The following SUGCT variants were observed in gnomAD, a reference collection of about 807,000 sequenced individuals.
The protein encoded by SUGCT is succinyl-CoA:glutarate-CoA transferase, also known as succinyl-CoA:glutarate CoA-transferase.
A neutral mutation model predicts 55.0 loss-of-function variants in SUGCT; 41 were observed. The observed-to-expected ratio is 0.74, with a 90% CI of 0.58 to 0.97. The LOEUF (loss-of-function observed/expected upper bound fraction) is 0.97, where lower values mean the gene tolerates loss of function less well. SUGCT is among the 50% of genes least tolerant of loss of function. SUGCT has a pLI of 0.00. For missense variants in SUGCT, 568 were observed against 547.8 expected (o/e 1.04, Z -0.37); for synonymous variants, 187 against 200.4 (o/e 0.93, Z 0.56).
At chr7:40,892,225 A>G in the SUGCT span, among the ~76,000 whole-genome samples, 5 of 152,170 alleles carry the variant, frequency 3.3e-5, no homozygotes, top group Admixed American at 6.5e-5. Flanking sequence ...TGGAGGGAGG[A>G]GAAGTTAAAG....
intron 12 of SUGCT, among the ~76,000 whole-genome samples, chr7:40,612,303 G>C (rs907845143): frequency 6.6e-6 from 1 of 152,154 alleles, no homozygotes; most frequent in African/African-American, 2.4e-5. Context: ...GCCCTGGAAT[G>C]CTGATCATTA....
chr7:40,599,540 A>G (rs1224600594), intron 12 of SUGCT, among the ~76,000 whole-genome samples: 1 of 152,028 alleles, frequency 6.6e-6, no homozygotes, highest in Non-Finnish European at 1.5e-5. Context: ...AATATAAGTC[A>G]CCTTATTGAT....
At chr7:40,544,044 A>C (rs1215864674) in intron 12 of SUGCT, among the ~76,000 whole-genome samples, 2 of 152,132 alleles carry the variant, frequency 1.3e-5, no homozygotes, top group Non-Finnish European at 2.9e-5. Flanking sequence ...TGTAATATTA[A>C]AAATTAGAGA....
chr7:40,581,819 G>C (rs1404019897), intron 12 of SUGCT, among the ~76,000 whole-genome samples: 1 of 152,106 alleles, frequency 6.6e-6, no homozygotes, highest in African/African-American at 2.4e-5. Context: ...AAGTCCACCT[G>C]GAAAGTGACC....
intron 6 of SUGCT, among the ~76,000 whole-genome samples, chr7:40,202,629 G>A (rs906255545): frequency 2.6e-4 from 39 of 152,130 alleles, no homozygotes; most frequent in African/African-American, 8.2e-4. Context: ...GACTTGACTG[G>A]TGTAGTTGTA....
At chr7:40,987,727 A>G in the SUGCT span, among the ~76,000 whole-genome samples, 1 of 152,182 alleles carries the variant, frequency 6.6e-6, no homozygotes. Context: ...GAGTATTTGC[A>G]TATTCCTTTC....
At chr7:40,676,894 C>CGTGTGTGTGTGTGTGTGT (rs3221667) in intron 12 of SUGCT, among the ~76,000 whole-genome samples, 11 of 143,972 alleles carry the variant, frequency 7.6e-5, no homozygotes, top group African/African-American at 2.6e-4. Context: ...TTCAGAATGA[C>CGTGTGTGTGTGTGTGTGT]GTGTGTGTGT....
At chr7:40,538,969 C>T (rs193182549) in intron 12 of SUGCT, 1 of 151,972 alleles carries the variant, frequency 6.6e-6, no homozygotes, top group East Asian at 1.9e-4. Context: ...GTCTCAGCTA[C>T]TTGGGAGGCT....
the SUGCT span, among the ~76,000 whole-genome samples, chr7:41,014,043 T>C: frequency 6.6e-6 from 1 of 152,142 alleles, no homozygotes; most frequent in East Asian, 1.9e-4. Context: ...GAAGGAGGCT[T>C]TGGCTGGAGA....
intron 12 of SUGCT, among the ~76,000 whole-genome samples, chr7:40,616,189 T>TA (rs1798993229): frequency 6.6e-6 from 1 of 152,190 alleles, no homozygotes; most frequent in Non-Finnish European, 1.5e-5. Context: ...CTAGGTATGT[T>TA]AAAGTAGTTT....
chr7:40,421,138 A>G (rs1787284238), intron 9 of SUGCT, among the ~76,000 whole-genome samples: 1 of 152,130 alleles, frequency 6.6e-6, no homozygotes, highest in Non-Finnish European at 1.5e-5. Flanking sequence ...CTACCTTGTC[A>G]GGCCTAGTGA....
At chr7:41,035,789 T>C in the SUGCT span, among the ~76,000 whole-genome samples, 34,965 of 152,182 alleles carry the variant, frequency 0.23, 4,414 homozygotes, top group Non-Finnish European at 0.3. Flanking sequence ...GAGCTCACTC[T>C]GGCCACGCAG....
chr7:40,664,067 G>C (rs1472772635), intron 12 of SUGCT, among the ~76,000 whole-genome samples: 1 of 152,156 alleles, frequency 6.6e-6, no homozygotes. Flanking sequence ...TACAAGCCAA[G>C]TAGAGAGGCC....
chr7:40,873,162 A>G, the SUGCT span, among the ~76,000 whole-genome samples: 1 of 152,256 alleles, frequency 6.6e-6, no homozygotes, highest in Non-Finnish European at 1.5e-5. Context: ...ATATTAATCA[A>G]CATTTGCAAT....
At chr7:40,377,183 TTTC>T (rs773258674) in intron 9 of SUGCT, among the ~76,000 whole-genome samples, 507 of 16,226 alleles carry the variant, frequency 0.031, 116 homozygotes, top group East Asian at 0.21. Context: ...TCTTTCTTTC[TTTC>T]TTTCTTTCTT....
chr7:40,443,412 A>G (rs1788627880), intron 9 of SUGCT, among the ~76,000 whole-genome samples: 1 of 152,166 alleles, frequency 6.6e-6, no homozygotes, highest in African/African-American at 2.4e-5. Context: ...AATGATCACC[A>G]TTCTAACTGG....
chr7:40,536,209 AT>A (rs2151606168), intron 12 of SUGCT, among the ~76,000 whole-genome samples: 1 of 152,286 alleles, frequency 6.6e-6, no homozygotes, highest in East Asian at 1.9e-4. Flanking sequence ...TTTTGTTGGA[AT>A]TGCTTTTGAG....
chr7:40,499,667 G>A (rs1792173613), intron 12 of SUGCT, among the ~76,000 whole-genome samples: 1 of 152,082 alleles, frequency 6.6e-6, no homozygotes, highest in African/African-American at 2.4e-5. Flanking sequence ...CCCTTAGAGT[G>A]GGAGTTTTAT....
At chr7:40,535,133 A>G (rs1301560068) in intron 12 of SUGCT, among the ~76,000 whole-genome samples, 1 of 152,172 alleles carries the variant, frequency 6.6e-6, no homozygotes, top group Non-Finnish European at 1.5e-5. Context: ...ATAAGTTTGT[A>G]TATATAATAT....
Sources: allele counts gnomAD v4.1 joint callset (sites outside exome capture counted in the v4.1 genomes callset), GRCh38; gene constraint gnomAD v4.1.1; transcripts MANE v1.5; gene names NCBI Gene and HGNC (gene_info 2026-07-23, HGNC 2026-07-21).